The following PTPRM variants were observed in gnomAD, a reference collection of about 807,000 sequenced individuals.
PTPRM encodes receptor-type tyrosine-protein phosphatase mu.
Under a neutral mutation model 186.7 loss-of-function variants are expected in PTPRM, and 47 were observed. That is an observed-to-expected ratio of 0.25 (90% confidence interval 0.20 to 0.32). PTPRM has a LOEUF of 0.32. Ranked by LOEUF, PTPRM falls within the 10% of genes least tolerant of loss-of-function variation. The pLI is 1.00. For synonymous variants in PTPRM, 668 were observed against 674.9 expected (o/e 0.99, Z 0.16); for missense variants, 1,494 against 1,865.0 (o/e 0.80, Z 3.66).
intron 1 of PTPRM, among the ~76,000 whole-genome samples, chr18:7,599,950 C>CT (rs2143729867): frequency 6.6e-6 from 1 of 152,300 alleles, no homozygotes; most frequent in Admixed American, 6.5e-5. Flanking sequence ...CTTTTACCGT[C>CT]TATCTGCATG....
intron 7 of PTPRM, among the ~76,000 whole-genome samples, chr18:8,033,307 A>G (rs2086110160): frequency 7.0e-6 from 1 of 143,108 alleles, no homozygotes; most frequent in Admixed American, 6.7e-5. Context: ...AGATGTAACT[A>G]TACATATGTA....
At chr18:8,140,309 A>C (rs1465383965) in intron 13 of PTPRM, among the ~76,000 whole-genome samples, 1 of 152,114 alleles carries the variant, frequency 6.6e-6, no homozygotes, top group Admixed American at 6.5e-5. Context: ...GGCTGAGTAC[A>C]TCGTGTTCTC....
chr18:8,386,230 T>G (rs772102526), intron 30 of PTPRM, among the ~76,000 whole-genome samples: 5 of 152,090 alleles, frequency 3.3e-5, no homozygotes, highest in Admixed American at 6.5e-5. Context: ...CTGAACCAGA[T>G]ATATGAGTTT....
chr18:7,779,272 T>G (rs1267657013), intron 2 of PTPRM, among the ~76,000 whole-genome samples: 1 of 152,234 alleles, frequency 6.6e-6, no homozygotes, highest in Non-Finnish European at 1.5e-5. Context: ...TTAGTATTTT[T>G]CCAGGTAGTA....
intron 22 of PTPRM, among the ~76,000 whole-genome samples, chr18:8,336,762 G>T (rs1488790305): frequency 2.0e-5 from 3 of 152,022 alleles, no homozygotes; most frequent in African/African-American, 7.2e-5. Context: ...GGCAGATCAT[G>T]AGGTCAGGAG....
intron 2 of PTPRM, among the ~76,000 whole-genome samples, chr18:7,793,230 G>C (rs527740306): frequency 6.6e-6 from 1 of 152,158 alleles, no homozygotes; most frequent in African/African-American, 2.4e-5. Context: ...GTTGTTAAGA[G>C]CACCCTGACT....
chr18:8,118,808 A>AT (rs1427959327), intron 13 of PTPRM, among the ~76,000 whole-genome samples: 79 of 138,966 alleles, frequency 5.7e-4, no homozygotes, highest in African/African-American at 2.0e-3. Flanking sequence ...TCAAAAAAAA[A>AT]AAAATATATA....
intron 1 of PTPRM, among the ~76,000 whole-genome samples, chr18:7,710,120 T>C (rs913374753): frequency 1.3e-5 from 2 of 152,162 alleles, no homozygotes; most frequent in African/African-American, 4.8e-5. Context: ...CCAATATCCC[T>C]GATGAACACA....
Position 8,099,835 on chromosome 18 carries a change from C to T in PTPRM, c.1856+10984C>T, listed in dbSNP as rs150732853. On this transcript the variant is annotated intron_variant, in intron 11 of 32. Transcript: ENST00000580170. The stretch of plus-strand genomic sequence containing the variant: ...CACAAGAAGACTTGGGTTTGAATCT[C>T]GGCTGGGACATTTACTAATTGTGTG... Among the ~76,000 whole-genome samples, 499 of 152,266 alleles carry T rather than the reference C, an allele frequency of 3.3e-3. 2 individuals are homozygous for T. The highest frequency in any genetic ancestry group is 0.012 in the African/African-American group (482 of 41,560).
chr18:8,013,238 A>G (rs2084648868), intron 7 of PTPRM, among the ~76,000 whole-genome samples: 1 of 152,198 alleles, frequency 6.6e-6, no homozygotes, highest in South Asian at 2.1e-4. Flanking sequence ...TTCAGAAAAT[A>G]TTATGAACCA....
intron 2 of PTPRM, among the ~76,000 whole-genome samples, chr18:7,788,346 TATTA>T (rs1350904270): frequency 2.0e-5 from 3 of 152,176 alleles, no homozygotes; most frequent in East Asian, 1.9e-4. Flanking sequence ...TAACTGTAAA[TATTA>T]ATTCTATGAA....
Position 8,322,267 on chromosome 18 carries a change from C to G in PTPRM, c.2956+3053C>G, listed in dbSNP as rs565282683. On this transcript the variant is annotated intron_variant, in intron 22 of 32. Transcript: ENST00000580170. ...TATAAATTTAAGTATTGGGTCTCCT[C>G]CTCCCATCCACCCTCAATTTTATTG... is the stretch of plus-strand genomic sequence containing the variant. Among the ~76,000 whole-genome samples, 15 of 152,286 alleles carry G rather than the reference C, an allele frequency of 9.8e-5. No individual in the cohort carries two copies. The South Asian group carries it at 1.9e-3, about 19-fold the overall frequency.
Position 8,143,669 on chromosome 18 carries a change from C to T in PTPRM, c.2190C>T (p.Val730=). 1.2e-6 allele frequency: 2 copies of T among 1,604,762 alleles called. No individual in the cohort carries two copies. The highest frequency in any genetic ancestry group is 1.7e-6 in the Non-Finnish European group (2 of 1,171,454). Reference sequence around the variant, plus strand: ...CAGGAGCTGCCACTCCGAAACCAGTCCCAGAACCCGAGAAACAGACAGACC... The same window carrying T: ...CAGGAGCTGCCACTCCGAAACCAGTTCCAGAACCCGAGAAACAGACAGACC... The part of the protein sequence containing the change: ...ATKGAATPKP[V]PEPEKQTDHT... The change falls in exon 14 of 33, where the codon GTC becomes GTT. Residue 730 remains valine, a synonymous_variant. Transcript: ENST00000580170.
At chr18:7,592,042 C>T (rs1006585707) in intron 1 of PTPRM, among the ~76,000 whole-genome samples, 1 of 152,120 alleles carries the variant, frequency 6.6e-6, no homozygotes, top group Admixed American at 6.5e-5. Context: ...TAATGGAACT[C>T]CCAGTAAAAA....
Position 8,391,636 on chromosome 18 carries a change from C to A in PTPRM, c.4209-2840C>A, listed in dbSNP as rs9948335. Among the ~76,000 whole-genome samples the A allele has an allele frequency of 6.4e-3, 981 of 152,252 alleles. 9 individuals are homozygous for A. Among genetic ancestry groups the A allele is most frequent in the African/African-American group, 0.022 (934 of 41,538 alleles). On this transcript the variant is annotated intron_variant, in intron 31 of 32. Coordinates refer to ENST00000580170, the MANE Select transcript of PTPRM (RefSeq NM_001105244.2). ...GTGAGGGAGCCTCTTGGGGACTGAA[C>A]GTGGTTTGTATCTTGATCTGAATGG...
At chr18:7,640,381 T>C (rs2144170161) in intron 1 of PTPRM, among the ~76,000 whole-genome samples, 1 of 152,312 alleles carries the variant, frequency 6.6e-6, no homozygotes, top group South Asian at 2.1e-4. Flanking sequence ...TGCAATTTTG[T>C]GATAATGAGG....
chr18:8,376,793 A>G (rs2095698894), intron 26 of PTPRM, 196 bp downstream of exon 26: 1 of 653,352 alleles, frequency 1.5e-6, no homozygotes, highest in Non-Finnish European at 2.3e-6. Flanking sequence ...AAACAAACCC[A>G]GGAGTTTTCC....
chr18:7,585,181 A>G (rs918496211), intron 1 of PTPRM, among the ~76,000 whole-genome samples: 3 of 152,242 alleles, frequency 2.0e-5, no homozygotes, highest in Admixed American at 6.5e-5. Flanking sequence ...GGAGCTGCCC[A>G]TGAGGCCTTT....
At chr18:8,242,921 G>A (rs747447147) in intron 14 of PTPRM, among the ~76,000 whole-genome samples, 5 of 152,112 alleles carry the variant, frequency 3.3e-5, no homozygotes, top group East Asian at 1.9e-4. Flanking sequence ...AAGGAGGTGC[G>A]GTTTTCTTTC....
Sources: gnomAD v4.1 joint callset for allele counts (sites outside exome capture counted in the v4.1 genomes callset) on GRCh38, gnomAD v4.1.1 for gene constraint, MANE v1.5 for transcripts, NCBI Gene and HGNC (gene_info 2026-07-23, HGNC 2026-07-21) for gene names.